Variants in RBFOX1 observed in about 807,000 individuals in gnomAD.
RBFOX1 encodes the protein RNA binding protein fox-1 homolog 1.
Under a neutral mutation model 57.7 loss-of-function variants are expected in RBFOX1, and 8 were observed. The observed-to-expected ratio is 0.14, with a 90% CI of 0.08 to 0.25. The LOEUF (loss-of-function observed/expected upper bound fraction) is 0.25. Ranked by LOEUF, RBFOX1 falls within the 10% of genes least tolerant of loss-of-function variation. The pLI is 1.00. For synonymous variants in RBFOX1, 326 were observed against 222.4 expected (o/e 1.47, Z -4.15); for missense variants, 611 against 548.5 (o/e 1.11, Z -1.14).
chr16:7,007,150 C>G (rs1376226143), intron 3 of RBFOX1, among the ~76,000 whole-genome samples: 3 of 152,186 alleles, frequency 2.0e-5, no homozygotes, highest in Non-Finnish European at 4.4e-5. Flanking sequence ...CAAACTCCTT[C>G]AGGTTGCCAG....
intron 4 of RBFOX1, among the ~76,000 whole-genome samples, chr16:5,891,849 A>G (rs1210324869): frequency 1.3e-5 from 2 of 152,148 alleles, no homozygotes; most frequent in African/African-American, 2.4e-5. Flanking sequence ...GAGACCCTCC[A>G]TCCTGTTCTG....
intron 3 of RBFOX1, among the ~76,000 whole-genome samples, chr16:6,803,615 C>A (rs1033827741): frequency 2.0e-5 from 3 of 152,142 alleles, no homozygotes; most frequent in African/African-American, 4.8e-5. Flanking sequence ...AAACAGGATT[C>A]CTAAACCGAA....
intron 1 of RBFOX1, among the ~76,000 whole-genome samples, chr16:6,292,602 A>C (rs28608901): frequency 1.3e-5 from 2 of 150,656 alleles, no homozygotes. Flanking sequence ...GTTGAGGGGG[A>C]ACCTCATGGA....
At chr16:5,500,116 CCCTCCTTCCCT>C (rs2043137299) in intron 2 of RBFOX1, among the ~76,000 whole-genome samples, 2 of 95,476 alleles carry the variant, frequency 2.1e-5, no homozygotes, top group Admixed American at 1.8e-4. Context: ...TCCCTCCCTT[CCCTCCTTCCCT>C]CCTTCCCTCC....
At position 5,555,259 on chromosome 16, in the gene RBFOX1, TTTA is replaced by T. The variant is rs1013958796; in HGVS notation, c.259-43637_259-43635del. Among the ~76,000 whole-genome samples, 118 of 152,174 alleles carry T rather than the reference TTTA, an allele frequency of 7.8e-4. 1 individual carries two copies. Among genetic ancestry groups the T allele is most frequent in the African/African-American group, 2.7e-3 (114 of 41,524 alleles). ...TGCAATTACTTTTATTATTATTATT[TTTA>T]TTATTTTTGAGATGGAGTCTCACTC... On this transcript the variant is annotated intron_variant, in intron 2 of 2. Transcript: ENST00000585867.
chr16:7,161,382 A>G (rs909956219), intron 4 of RBFOX1, among the ~76,000 whole-genome samples: 9 of 152,174 alleles, frequency 5.9e-5, no homozygotes, highest in Admixed American at 3.9e-4. Context: ...TTCATCATAT[A>G]TTTGCTAAAT....
chr16:7,566,399 C>T (rs2091695751), intron 5 of RBFOX1, among the ~76,000 whole-genome samples: 1 of 152,110 alleles, frequency 6.6e-6, no homozygotes, highest in Non-Finnish European at 1.5e-5. Context: ...TTTGCAGCTG[C>T]TCTACGTGCC....
intron 2 of RBFOX1, among the ~76,000 whole-genome samples, chr16:6,461,471 C>T (rs2094920053): frequency 6.6e-6 from 1 of 152,120 alleles, no homozygotes; most frequent in Admixed American, 6.5e-5. Flanking sequence ...AACTATATTC[C>T]CATCCATGAT....
chr16:6,496,539 T>A (rs138326106), intron 2 of RBFOX1, among the ~76,000 whole-genome samples: 2 of 152,222 alleles, frequency 1.3e-5, no homozygotes, highest in Admixed American at 6.5e-5. Flanking sequence ...CGTATCAGTT[T>A]AGGCACAGTT....
rs76428033 is a variant in RBFOX1, at chr16:7,015,025, C to A, written c.-15-37032C>A. ...AGGTGTGAGCCACCGTGCTTAGCTT[C>A]TTTACCAGGTTCTATGCTTCCTGAA... On this transcript the variant is annotated intron_variant, in intron 3 of 15. Transcript: ENST00000550418. 1.1e-4 allele frequency among the ~76,000 whole-genome samples: 16 copies of A among 152,298 alleles called. No homozygotes were observed. The East Asian group carries it at 2.3e-3, about 22-fold the overall frequency.
At chr16:5,744,537 A>C (rs2052901267) in intron 3 of RBFOX1, among the ~76,000 whole-genome samples, 1 of 152,122 alleles carries the variant, frequency 6.6e-6, no homozygotes, top group Admixed American at 6.5e-5. Flanking sequence ...GTGGCTTTGC[A>C]CTGATGACTT....
intron 3 of RBFOX1, among the ~76,000 whole-genome samples, chr16:6,846,062 T>G (rs1287112844): frequency 1.3e-5 from 2 of 152,230 alleles, no homozygotes; most frequent in Non-Finnish European, 2.9e-5. Context: ...ATCACAGTTG[T>G]AATCTGTGTC....
At chr16:6,194,319 C>T (rs1262849385) in intron 1 of RBFOX1, among the ~76,000 whole-genome samples, 1 of 152,132 alleles carries the variant, frequency 6.6e-6, no homozygotes, top group African/African-American at 2.4e-5. Context: ...CAACGAGCTT[C>T]TAATTGGCAT....
intron 4 of RBFOX1, among the ~76,000 whole-genome samples, chr16:7,457,123 G>T (rs1312814353): frequency 7.2e-5 from 11 of 151,938 alleles, no homozygotes; most frequent in Non-Finnish European, 1.6e-4. Context: ...CTGACCTCAG[G>T]AGATCCGCCT....
intron 2 of RBFOX1, among the ~76,000 whole-genome samples, chr16:6,549,561 G>A (rs1205696706): frequency 6.9e-6 from 1 of 144,306 alleles, no homozygotes; most frequent in Non-Finnish European, 1.5e-5. Flanking sequence ...ATGGGAGGAG[G>A]GGAGGAAGGG....
At chr16:7,414,817 C>T (rs1389399442) in intron 4 of RBFOX1, among the ~76,000 whole-genome samples, 1 of 152,102 alleles carries the variant, frequency 6.6e-6, no homozygotes, top group Non-Finnish European at 1.5e-5. Context: ...GGGGTTTTGC[C>T]ATGTTAGCCA....
At chr16:6,009,682 C>T (rs777207376) in intron 4 of RBFOX1, among the ~76,000 whole-genome samples, 3 of 152,066 alleles carry the variant, frequency 2.0e-5, no homozygotes, top group African/African-American at 4.8e-5. Context: ...CTTAAAATCA[C>T]GTTAAATCCC....
Position 6,527,632 on chromosome 16 carries a change from A to T in RBFOX1, c.-63-126971A>T, listed in dbSNP as rs1465801066. 3.3e-5 allele frequency among the ~76,000 whole-genome samples: 5 copies of T among 152,116 alleles called. 1 individual carries two copies. The highest frequency in any genetic ancestry group is 2.0e-4 in the Admixed American group (3 of 15,264). On this transcript the variant is annotated intron_variant, in intron 2 of 15. Transcript: ENST00000550418. ...CCTGCAATGATGTGGAAACCCCCTT[A>T]TCTTGAGGACTGGTCTTGATTGTGT...
At chr16:6,922,501 G>A (rs868626309) in intron 3 of RBFOX1, among the ~76,000 whole-genome samples, 2 of 152,078 alleles carry the variant, frequency 1.3e-5, no homozygotes, top group Admixed American at 6.5e-5. Context: ...TTTCTTTGCT[G>A]TGTTTTTCCA....
Sources: allele counts gnomAD v4.1 joint callset (sites outside exome capture counted in the v4.1 genomes callset), GRCh38; gene constraint gnomAD v4.1.1; transcripts MANE v1.5; gene names NCBI Gene and HGNC (gene_info 2026-07-23, HGNC 2026-07-21).